The following CPQ variants were observed in gnomAD, a reference collection of about 807,000 sequenced individuals.
The protein encoded by CPQ is Ser-Met dipeptidase.
In CPQ, 37 loss-of-function variants were observed where a neutral mutation model predicts 45.7. The observed-to-expected ratio is 0.81, with a 90% CI of 0.62 to 1.07. The LOEUF is 1.07. Among genes scored for constraint, CPQ ranks in the 50% least tolerant of loss-of-function variants. CPQ has a pLI of 0.00. For synonymous variants in CPQ, 186 were observed against 205.8 expected (o/e 0.90, Z 0.82); for missense variants, 537 against 572.9 (o/e 0.94, Z 0.64).
chr8:96,986,833 CT>C (rs1233046875), intron 5 of CPQ, among the ~76,000 whole-genome samples: 1 of 152,122 alleles, frequency 6.6e-6, no homozygotes, highest in African/African-American at 2.4e-5. Flanking sequence ...TGATATACCC[CT>C]ATGTACTATT....
At chr8:96,847,423 G>A (rs377293071) in intron 3 of CPQ, among the ~76,000 whole-genome samples, 1 of 151,856 alleles carries the variant, frequency 6.6e-6, no homozygotes, top group Non-Finnish European at 1.5e-5. Flanking sequence ...TCACTTCATG[G>A]GTTTTTAAAA....
intron 5 of CPQ, among the ~76,000 whole-genome samples, chr8:96,982,153 C>CA (rs1213315516): frequency 6.6e-6 from 1 of 152,098 alleles, no homozygotes; most frequent in Non-Finnish European, 1.5e-5. Flanking sequence ...TATAGAGTGA[C>CA]AAGGCAATGT....
intron 2 of CPQ, among the ~76,000 whole-genome samples, chr8:96,793,676 C>G (rs1044951522): frequency 6.6e-6 from 1 of 152,198 alleles, no homozygotes; most frequent in Non-Finnish European, 1.5e-5. Context: ...CAAAAGTCCA[C>G]AGTCCAAAGT....
chr8:96,859,267 A>G (rs1177030252), intron 3 of CPQ, among the ~76,000 whole-genome samples: 2 of 152,212 alleles, frequency 1.3e-5, no homozygotes, highest in Non-Finnish European at 2.9e-5. Flanking sequence ...CCTCAGCACT[A>G]AGAGACTGCA....
chr8:96,800,556 G>A (rs140573057), intron 2 of CPQ, among the ~76,000 whole-genome samples: 1 of 152,212 alleles, frequency 6.6e-6, no homozygotes, highest in African/African-American at 2.4e-5. Flanking sequence ...GTATTTATGG[G>A]GGCAAGATCT....
At chr8:96,744,512 C>G (rs1256559688) in intron 1 of CPQ, among the ~76,000 whole-genome samples, 1 of 152,088 alleles carries the variant, frequency 6.6e-6, no homozygotes, top group Non-Finnish European at 1.5e-5. Flanking sequence ...CCTAGTTATT[C>G]CATATGTAAA....
intron 3 of CPQ, among the ~76,000 whole-genome samples, chr8:96,858,261 TC>T (rs1482404370): frequency 6.6e-6 from 1 of 152,170 alleles, no homozygotes; most frequent in Non-Finnish European, 1.5e-5. Context: ...CTGCACACTG[TC>T]CCCCAGCTCC....
intron 1 of CPQ, among the ~76,000 whole-genome samples, chr8:96,724,960 T>C (rs1042532450): frequency 6.6e-6 from 1 of 152,026 alleles, no homozygotes; most frequent in Non-Finnish European, 1.5e-5. Flanking sequence ...TTTGAGAAAG[T>C]CAACAGAAAT....
At chr8:97,054,285 G>A (rs184008800) in intron 6 of CPQ, among the ~76,000 whole-genome samples, 5 of 152,224 alleles carry the variant, frequency 3.3e-5, no homozygotes, top group African/African-American at 7.2e-5. Flanking sequence ...AGATGTTGTC[G>A]TGGATGTGGT....
intron 7 of CPQ, among the ~76,000 whole-genome samples, chr8:97,131,013 A>T (rs2130622231): frequency 6.6e-6 from 1 of 152,370 alleles, no homozygotes; most frequent in Middle Eastern, 3.4e-3. Flanking sequence ...TGCATAAATA[A>T]AACGAAAGCA....
At chr8:96,809,676 T>A (rs1214896980) in intron 2 of CPQ, among the ~76,000 whole-genome samples, 1 of 152,146 alleles carries the variant, frequency 6.6e-6, no homozygotes, top group East Asian at 1.9e-4. Flanking sequence ...GTTACATGAT[T>A]CTATATGTAT....
chr8:97,135,556 A>C (rs1391884337), intron 7 of CPQ, among the ~76,000 whole-genome samples: 1 of 152,138 alleles, frequency 6.6e-6, no homozygotes, highest in Non-Finnish European at 1.5e-5. Context: ...TTTTAATTAA[A>C]TTTTAAATGT....
chr8:96,842,689 A>G (rs959150368), intron 3 of CPQ, among the ~76,000 whole-genome samples: 1 of 151,984 alleles, frequency 6.6e-6, no homozygotes, highest in Non-Finnish European at 1.5e-5. Context: ...GATTCTTATT[A>G]TTGTATCAGG....
chr8:97,131,277 G>C (rs1811950686), intron 7 of CPQ, among the ~76,000 whole-genome samples: 1 of 152,120 alleles, frequency 6.6e-6, no homozygotes, highest in South Asian at 2.1e-4. Flanking sequence ...AATCCATACT[G>C]TCTGACACAT....
intron 5 of CPQ, among the ~76,000 whole-genome samples, chr8:97,022,544 C>A (rs1809706715): frequency 6.6e-6 from 1 of 151,914 alleles, no homozygotes; most frequent in Non-Finnish European, 1.5e-5. Flanking sequence ...AGAAAATAAA[C>A]AATCCCATCA....
chr8:96,689,336 C>T (rs7823090), intron 1 of CPQ, among the ~76,000 whole-genome samples: 3,696 of 152,094 alleles, frequency 0.024, 166 homozygotes, highest in African/African-American at 0.084. Context: ...ATTTTCTTGC[C>T]CCCTTGCTGT....
At chr8:96,753,562 G>A (rs190303801) in intron 1 of CPQ, among the ~76,000 whole-genome samples, 295 of 139,372 alleles carry the variant, frequency 2.1e-3, no homozygotes, top group Middle Eastern at 8.3e-3. Flanking sequence ...TTTATAGTTT[G>A]TAAGTATTAT....
At chr8:96,679,136 T>C (rs1809114969) in intron 1 of CPQ, among the ~76,000 whole-genome samples, 1 of 152,098 alleles carries the variant, frequency 6.6e-6, no homozygotes, top group Admixed American at 6.6e-5. Context: ...GTTTTCCCAT[T>C]TGTTGAAGAA....
At chr8:97,028,724 A>G (rs567579774) in intron 5 of CPQ, among the ~76,000 whole-genome samples, 3 of 152,246 alleles carry the variant, frequency 2.0e-5, no homozygotes, top group Non-Finnish European at 4.4e-5. Context: ...TAATAAGTCC[A>G]GGATACAAAT....
Sources: gnomAD v4.1 joint callset for allele counts (sites outside exome capture counted in the v4.1 genomes callset) on GRCh38, gnomAD v4.1.1 for gene constraint, MANE v1.5 for transcripts, NCBI Gene and HGNC (gene_info 2026-07-23, HGNC 2026-07-21) for gene names.